SLC35F4: variants seen among roughly 807,000 people sequenced by gnomAD.
SLC35F4 encodes solute carrier family 35 member F4.
A neutral mutation model predicts 44.2 loss-of-function variants in SLC35F4; 24 were observed. The ratio of observed to expected loss-of-function variants is 0.54; its 90% CI spans 0.39 to 0.76. SLC35F4 has a LOEUF of 0.76. SLC35F4 is among the 30% of genes least tolerant of loss of function. The pLI is 0.00. For synonymous variants in SLC35F4, 238 were observed against 223.6 expected (o/e 1.06, Z -0.57); for missense variants, 562 against 586.1 (o/e 0.96, Z 0.42).
At chr14:57,910,626 C>T (rs1392000754) in intron 1 of SLC35F4, among the ~76,000 whole-genome samples, 1 of 151,972 alleles carries the variant, frequency 6.6e-6, no homozygotes, top group African/African-American at 2.4e-5. Context: ...CTCTATTCTG[C>T]CCCCATTGAA....
intron 1 of SLC35F4, among the ~76,000 whole-genome samples, chr14:57,744,428 A>G (rs1947518194): frequency 6.6e-6 from 1 of 152,196 alleles, no homozygotes; most frequent in Non-Finnish European, 1.5e-5. Flanking sequence ...CCTATACACC[A>G]AGAACAGACA....
intron 1 of SLC35F4, among the ~76,000 whole-genome samples, chr14:57,842,748 AGT>A (rs1294694868): frequency 6.6e-6 from 1 of 152,056 alleles, no homozygotes; most frequent in Non-Finnish European, 1.5e-5. Context: ...GTTAATATTG[AGT>A]GTCAATTTAA....
Position 57,593,804 on chromosome 14 carries a change from C to T in SLC35F4, c.289+135G>A, listed in dbSNP as rs150438242. On this transcript the variant is annotated intron_variant, in intron 2 of 7. Coordinates refer to ENST00000556826, the MANE Select transcript of SLC35F4 (RefSeq NM_001306087.2). The stretch of plus-strand genomic sequence containing the variant: ...TATATTTCCCTGCTTCCTTATCCTC[C>T]GGCTTGATAAAGCTTCCCCACATGT... 226 of 923,436 alleles carry T rather than the reference C, an allele frequency of 2.4e-4. 1 individual carries two copies. In the East Asian group the frequency reaches 4.2e-3, roughly 17 times the overall value. 57.2% of individuals were successfully genotyped at this position (923,436 alleles called of 1,614,324 possible).
rs1456844012 is a variant in SLC35F4, at chr14:57,911,095, T to C, written n.282+70818A>G. ...GTTCATTTGCTGGTATATAGAAAAG[T>C]GATTAAATTTTGTATGTTAACCTTG... On this transcript the variant is annotated intron_variant and non_coding_transcript_variant, in intron 1 of 1. Transcript: ENST00000556568. 2.0e-5 allele frequency among the ~76,000 whole-genome samples: 3 copies of C among 152,048 alleles called. No individual in the cohort carries two copies. The East Asian group carries it at 5.8e-4, about 29-fold the overall frequency.
chr14:57,939,711 T>A (rs1436483855), intron 1 of SLC35F4, among the ~76,000 whole-genome samples: 6 of 152,214 alleles, frequency 3.9e-5, no homozygotes, highest in Non-Finnish European at 8.8e-5. Flanking sequence ...AATTGGACAG[T>A]TAAATCATTT....
chr14:57,870,769 T>C (rs1361010870), upstream of SLC35F4, among the ~76,000 whole-genome samples: 2 of 152,258 alleles, frequency 1.3e-5, no homozygotes, highest in South Asian at 2.1e-4. Flanking sequence ...TGTTTTTTAC[T>C]GAAGTTGATT....
intron 1 of SLC35F4, chr14:57,629,732 A>C (rs2072671160): frequency 3.8e-6 from 1 of 263,138 alleles, no homozygotes. Context: ...TGCTAGATAC[A>C]TGGGCACATA....
chr14:57,951,413 C>T (rs891820673), intron 1 of SLC35F4, among the ~76,000 whole-genome samples: 1 of 152,086 alleles, frequency 6.6e-6, no homozygotes, highest in African/African-American at 2.4e-5. Flanking sequence ...CCAGTGGTGC[C>T]TGAAATGCCA....
intron 1 of SLC35F4, among the ~76,000 whole-genome samples, chr14:57,854,069 G>A (rs942175337): frequency 1.3e-5 from 2 of 152,100 alleles, no homozygotes; most frequent in African/African-American, 2.4e-5. Context: ...TCTCAAAGCA[G>A]ATAAATGAAA....
intron 1 of SLC35F4, among the ~76,000 whole-genome samples, chr14:57,907,677 A>G (rs1241682259): frequency 6.6e-6 from 1 of 152,048 alleles, no homozygotes; most frequent in Non-Finnish European, 1.5e-5. Flanking sequence ...CTGTTAAGCC[A>G]TTAGTGTTTG....
chr14:57,854,057 C>G (rs1292042884), intron 1 of SLC35F4, among the ~76,000 whole-genome samples: 1 of 152,128 alleles, frequency 6.6e-6, no homozygotes, highest in Non-Finnish European at 1.5e-5. Flanking sequence ...CCAATTCCAG[C>G]CTCTCAAAGC....
At chr14:57,774,300 G>A (rs565997936) in intron 1 of SLC35F4, among the ~76,000 whole-genome samples, 1 of 152,254 alleles carries the variant, frequency 6.6e-6, no homozygotes, top group Admixed American at 6.5e-5. Context: ...AGTTGAACAG[G>A]CAAGGAGAAA....
At chr14:57,689,999 A>C (rs533772973) in intron 1 of SLC35F4, among the ~76,000 whole-genome samples, 7 of 152,156 alleles carry the variant, frequency 4.6e-5, no homozygotes, top group African/African-American at 7.2e-5. Context: ...CGAACAAATC[A>C]TGCTTTCTGC....
At chr14:57,896,885 ATTC>A (rs1051099145) in intron 1 of SLC35F4, among the ~76,000 whole-genome samples, 1 of 152,274 alleles carries the variant, frequency 6.6e-6, no homozygotes, top group African/African-American at 2.4e-5. Context: ...GATTTGGGAA[ATTC>A]TTCATTAATA....
At chr14:57,711,126 T>C (rs1180768455) in intron 1 of SLC35F4, among the ~76,000 whole-genome samples, 2 of 152,098 alleles carry the variant, frequency 1.3e-5, no homozygotes, top group Non-Finnish European at 2.9e-5. Context: ...AGTGATTGGA[T>C]CATGGGGTGG....
At chr14:57,629,651 G>T (rs1181060372) in intron 1 of SLC35F4, among the ~76,000 whole-genome samples, 1 of 152,100 alleles carries the variant, frequency 6.6e-6, no homozygotes, top group African/African-American at 2.4e-5. Context: ...TTTTCTCATG[G>T]AATGGTCACA....
intron 1 of SLC35F4, among the ~76,000 whole-genome samples, chr14:57,676,648 C>T (rs2074704457): frequency 6.6e-6 from 1 of 151,996 alleles, no homozygotes; most frequent in African/African-American, 2.4e-5. Context: ...AAACAGCCAA[C>T]AAACATATAA....
intron 1 of SLC35F4, among the ~76,000 whole-genome samples, chr14:57,747,762 T>G (rs2140544263): frequency 6.6e-6 from 1 of 152,338 alleles, no homozygotes; most frequent in South Asian, 2.1e-4. Context: ...CATTAAATAT[T>G]CAACTCCAAC....
intron 1 of SLC35F4, among the ~76,000 whole-genome samples, chr14:57,848,355 C>T (rs185435846): frequency 2.0e-5 from 3 of 152,154 alleles, no homozygotes; most frequent in Admixed American, 2.0e-4. Flanking sequence ...TTGAAGACTG[C>T]GGTGCTATAC....
Sources: gnomAD v4.1 joint callset for allele counts (sites outside exome capture counted in the v4.1 genomes callset) on GRCh38, gnomAD v4.1.1 for gene constraint, MANE v1.5 for transcripts, NCBI Gene and HGNC (gene_info 2026-07-23, HGNC 2026-07-21) for gene names.